The following RAP1GAP2 variants were observed in gnomAD, a reference collection of about 807,000 sequenced individuals.
RAP1GAP2 encodes the protein rap1 GTPase-activating protein 2.
Under a neutral mutation model 95.0 loss-of-function variants are expected in RAP1GAP2, and 27 were observed. The ratio of observed to expected loss-of-function variants is 0.28; its 90% CI spans 0.21 to 0.39. The LOEUF (loss-of-function observed/expected upper bound fraction) is 0.39, where lower values mean the gene tolerates loss of function less well. RAP1GAP2 is among the 10% of genes least tolerant of loss of function. The probability of loss-of-function intolerance (pLI) is 1.00; values close to 1 mark genes in which losing one functional copy is unlikely to be tolerated. For synonymous variants in RAP1GAP2, 373 were observed against 380.9 expected (o/e 0.98, Z 0.24); for missense variants, 771 against 970.0 (o/e 0.79, Z 2.72).
intron 1 of RAP1GAP2, among the ~76,000 whole-genome samples, chr17:2,789,295 G>A (rs1156724354): frequency 6.6e-6 from 1 of 152,036 alleles, no homozygotes; most frequent in Admixed American, 6.6e-5. Context: ...TGATCCACCC[G>A]CCTTGTCCTC....
At chr17:2,837,077 C>T (rs1308751540) in intron 2 of RAP1GAP2, among the ~76,000 whole-genome samples, 1 of 151,816 alleles carries the variant, frequency 6.6e-6, no homozygotes, top group Non-Finnish European at 1.5e-5. Context: ...AAGGTGAGAC[C>T]CTGTCACTAC....
At chr17:3,021,418 T>A in intron 19 of RAP1GAP2, among the ~76,000 whole-genome samples, 1 of 137,604 alleles carries the variant, frequency 7.3e-6, no homozygotes. Flanking sequence ...AATGAGAACA[T>A]GCGATATTTG....
At chr17:2,846,187 GAA>G (rs113651847) in intron 2 of RAP1GAP2, among the ~76,000 whole-genome samples, 11 of 130,756 alleles carry the variant, frequency 8.4e-5, no homozygotes, top group Admixed American at 2.3e-4. Flanking sequence ...TGTCTCAATT[GAA>G]AAAAAAAAAA....
chr17:2,863,040 C>CTTTAGGGA (rs973524404), intron 2 of RAP1GAP2, among the ~76,000 whole-genome samples: 8 of 148,148 alleles, frequency 5.4e-5, no homozygotes, highest in Non-Finnish European at 8.9e-5. Flanking sequence ...AGGCCCATCA[C>CTTTAGGGA]TTTAGGGATT....
chr17:2,845,576 T>G (rs982309426), intron 2 of RAP1GAP2, among the ~76,000 whole-genome samples: 1 of 152,216 alleles, frequency 6.6e-6, no homozygotes, highest in Non-Finnish European at 1.5e-5. Flanking sequence ...TTAAAACTTC[T>G]TATCAGCTGG....
chr17:2,951,462 T>C (rs2043921528), intron 3 of RAP1GAP2, among the ~76,000 whole-genome samples: 1 of 152,244 alleles, frequency 6.6e-6, no homozygotes, highest in African/African-American at 2.4e-5. Context: ...CTCACACCTG[T>C]AATCCCAGCA....
In RAP1GAP2 at chr17:2,866,802, G is replaced by A. The variant is rs548733027; in HGVS notation, c.81-38482G>A. Among the ~76,000 whole-genome samples, 15 of 152,162 alleles carry A rather than the reference G, an allele frequency of 9.9e-5. No homozygotes were observed. The highest frequency in any genetic ancestry group is 3.1e-4 in the African/African-American group (13 of 41,490). ...TTTAGTAGAGATGGGGTTTCACCAC[G>A]TTGGCCGGGCTGGTCTCGAACTCCT... On this transcript the variant is annotated intron_variant, in intron 2 of 24. Transcript: ENST00000254695. This position sits in a 1 kb window ranked among gnomAD's most constrained non-coding sequence, Gnocchi z 4.0.
chr17:2,814,556 C>T (rs1015576799), intron 2 of RAP1GAP2, among the ~76,000 whole-genome samples: 1 of 152,156 alleles, frequency 6.6e-6, no homozygotes, highest in African/African-American at 2.4e-5. Context: ...GCTCCTCCCG[C>T]GCCGTGGGGA....
chr17:2,826,086 T>C (rs969746595), intron 2 of RAP1GAP2, among the ~76,000 whole-genome samples: 11 of 151,072 alleles, frequency 7.3e-5, no homozygotes, highest in Non-Finnish European at 1.5e-4. Flanking sequence ...GTTCAAGCGA[T>C]TCTGCTGCCT....
At chr17:2,998,073 A>G (rs2046027643) in intron 13 of RAP1GAP2, 148 bp from the exon 14 acceptor site, 1 of 862,808 alleles carries the variant, frequency 1.2e-6, no homozygotes, top group Non-Finnish European at 1.8e-6. Context: ...GTGCTTTCAT[A>G]CTTAAACTTC....
intron 1 of RAP1GAP2, among the ~76,000 whole-genome samples, chr17:2,799,382 G>A (rs917943917): frequency 2.6e-5 from 4 of 152,202 alleles, no homozygotes; most frequent in African/African-American, 9.6e-5. Flanking sequence ...GAGATCAGAA[G>A]GTGCTGGGAG....
At chr17:2,760,676 A>G (rs1050287205) in intron 1 of RAP1GAP2, among the ~76,000 whole-genome samples, 1 of 150,706 alleles carries the variant, frequency 6.6e-6, no homozygotes, top group African/African-American at 2.5e-5. Context: ...GGTAAACTTT[A>G]ATTTTCCCTA....
At chr17:2,828,485 T>C (rs1002813286) in intron 2 of RAP1GAP2, among the ~76,000 whole-genome samples, 3 of 148,866 alleles carry the variant, frequency 2.0e-5, no homozygotes, top group East Asian at 1.9e-4. Flanking sequence ...TGTGAAGCTG[T>C]CTGGGGAAGA....
intron 2 of RAP1GAP2, among the ~76,000 whole-genome samples, chr17:2,891,805 ATTTCTTTTC>A (rs2073725278): frequency 1.6e-5 from 1 of 63,216 alleles, no homozygotes; most frequent in Non-Finnish European, 3.5e-5. Context: ...GCAGATTCAT[ATTTCTTTTC>A]TTTTTTTTTT....
intron 3 of RAP1GAP2, among the ~76,000 whole-genome samples, chr17:2,934,789 C>T (rs1369525820): frequency 6.6e-6 from 1 of 152,178 alleles, no homozygotes; most frequent in African/African-American, 2.4e-5. Flanking sequence ...AGTGGATGTC[C>T]TTTTAGTTTG....
intron 3 of RAP1GAP2, among the ~76,000 whole-genome samples, chr17:2,931,768 C>T (rs752701421): frequency 6.6e-6 from 1 of 152,202 alleles, no homozygotes; most frequent in Non-Finnish European, 1.5e-5. Context: ...CCTCTTCTTG[C>T]AGGTCAGCCT....
intron 3 of RAP1GAP2, among the ~76,000 whole-genome samples, chr17:2,942,810 C>T (rs890149434): frequency 2.0e-5 from 3 of 152,062 alleles, no homozygotes; most frequent in African/African-American, 7.3e-5. Context: ...CTCTGTCACC[C>T]AGGCTGGAGT....
chr17:2,957,485 A>G (rs1357050654), intron 3 of RAP1GAP2, among the ~76,000 whole-genome samples: 1 of 152,168 alleles, frequency 6.6e-6, no homozygotes, highest in Non-Finnish European at 1.5e-5. Context: ...AGGGGCCGGC[A>G]GGCCCCTTTC....
At chr17:2,957,901 GTGCAGAGAAGAGACAAT>G in intron 4 of RAP1GAP2, 107 bp downstream of exon 4, 1 of 1,195,448 alleles carries the variant, frequency 8.4e-7, no homozygotes, top group Non-Finnish European at 1.1e-6. Flanking sequence ...CTGGACGGGG[GTGCAGAGAAGAGACAAT>G]TGCATCCCCT....
Sources: gnomAD v4.1 joint callset for allele counts (sites outside exome capture counted in the v4.1 genomes callset) on GRCh38, gnomAD v4.1.1 for gene constraint, Gnocchi (gnomAD v3.1) non-coding constraint, MANE v1.5 for transcripts, NCBI Gene and HGNC (gene_info 2026-07-23, HGNC 2026-07-21) for gene names.